Variants in EXOC2 observed in about 807,000 individuals in gnomAD.
EXOC2 encodes SEC5-like 1.
Under a neutral mutation model 131.8 loss-of-function variants are expected in EXOC2, and 70 were observed. The ratio of observed to expected loss-of-function variants is 0.53; its 90% CI spans 0.44 to 0.65. EXOC2 has a LOEUF of 0.65. EXOC2 is among the 30% of genes least tolerant of loss of function. The pLI is 0.00. For missense variants in EXOC2, 923 were observed against 1,108.6 expected (o/e 0.83, Z 2.38); for synonymous variants, 411 against 398.4 (o/e 1.03, Z -0.38).
At chr6:652,145 G>A (rs1375790209) in intron 1 of EXOC2, among the ~76,000 whole-genome samples, 1 of 151,702 alleles carries the variant, frequency 6.6e-6, no homozygotes. Flanking sequence ...CAGAAGATAT[G>A]AAGTAAATAG....
At chr6:537,470 G>A (rs1352309524) in intron 22 of EXOC2, among the ~76,000 whole-genome samples, 5 of 151,714 alleles carry the variant, frequency 3.3e-5, no homozygotes, top group African/African-American at 9.7e-5. Context: ...ATGGCCGACG[G>A]AGCGTACACT....
intron 2 of EXOC2, 22 bp from the exon 3 acceptor site, chr6:633,139 T>G: frequency 6.2e-7 from 1 of 1,606,558 alleles, no homozygotes; most frequent in Non-Finnish European, 8.5e-7. Context: ...CGCATGTGCA[T>G]AACAAAATTC....
intron 27 of EXOC2, among the ~76,000 whole-genome samples, chr6:487,314 G>C (rs1232756809): frequency 5.5e-5 from 5 of 91,042 alleles, no homozygotes; most frequent in Non-Finnish European, 1.2e-4. Context: ...TAACCACCAG[G>C]GCAAGCAGGG....
Position 629,840 on chromosome 6 carries a change from A to C in EXOC2, c.417T>G (p.Ile139Met), listed in dbSNP as rs1271717205. Residue 139 changes from isoleucine to methionine, a missense_variant, in exon 4 of 28, where the codon ATT (isoleucine) becomes ATG (methionine). Ile to Met is a conservative substitution (Grantham distance 10). Coordinates refer to ENST00000230449, the MANE Select transcript of EXOC2 (RefSeq NM_018303.6). ...LRPANPLGIE[I>M]EKSKFSQKDL... ...GAAAGCAAGATGGTACTCACTTTTCAATCTCAATGCCAAGCGGGTTAGCAG... is the reference window on the plus strand; with the variant it reads ...GAAAGCAAGATGGTACTCACTTTTCCATCTCAATGCCAAGCGGGTTAGCAG... The C allele has an allele frequency of 1.2e-6, 2 of 1,613,600 alleles. No individual in the cohort carries two copies. Among genetic ancestry groups the C allele is most frequent in the Admixed American group, 3.3e-5 (2 of 59,940 alleles).
At chr6:570,614 A>G (rs1758226384) in intron 13 of EXOC2, among the ~76,000 whole-genome samples, 1 of 152,234 alleles carries the variant, frequency 6.6e-6, no homozygotes, top group African/African-American at 2.4e-5. Context: ...TTTTACTCCA[A>G]ATAATAACAG....
chr6:544,629 C>T (rs1270564503), intron 22 of EXOC2, among the ~76,000 whole-genome samples: 1 of 152,136 alleles, frequency 6.6e-6, no homozygotes, highest in East Asian at 1.9e-4. Context: ...CAAAACTGTA[C>T]TCACTCACAT....
At chr6:570,050 G>C (rs1758180870) in intron 13 of EXOC2, among the ~76,000 whole-genome samples, 1 of 152,140 alleles carries the variant, frequency 6.6e-6, no homozygotes, top group Non-Finnish European at 1.5e-5. Context: ...GCCACTTGTA[G>C]GAACTGATGC....
Position 555,246 on chromosome 6 carries a change from C to A in EXOC2, c.2035G>T (p.Ala679Ser). ...CLEQLSTKPDADIDTTHLSVD... is the reference protein window; with the variant it reads ...CLEQLSTKPDSDIDTTHLSVD... ...ACTTACTGTGTAGTATCTATATCTGCATCAGGCTTGGTGCTCAACTGTTCC... is the reference window on the plus strand; with the variant it reads ...ACTTACTGTGTAGTATCTATATCTGAATCAGGCTTGGTGCTCAACTGTTCC... The change falls in exon 20 of 28, where the codon GCA becomes TCA. Residue 679 changes from alanine to serine, a missense_variant. Ala to Ser is a moderately conservative substitution (Grantham distance 99). Coordinates refer to ENST00000230449, the MANE Select transcript of EXOC2 (RefSeq NM_018303.6). 6.6e-7 allele frequency: 1 copy of A among 1,521,842 alleles called. No individual in the cohort carries two copies. Among genetic ancestry groups the A allele is most frequent in the Non-Finnish European group, 8.9e-7 (1 of 1,120,608 alleles). The allele number at this position is 1,521,842 out of a possible 1,614,324, so 94.3% of individuals were successfully genotyped here. A position where few individuals can be genotyped will look rare whatever the true frequency, so the allele number is the denominator to read the frequency against.
At chr6:584,838 A>C (rs553379668) in intron 11 of EXOC2, among the ~76,000 whole-genome samples, 3 of 152,262 alleles carry the variant, frequency 2.0e-5, no homozygotes, top group Non-Finnish European at 2.9e-5. Flanking sequence ...CACTTTCTCT[A>C]TGAGTAGCCT....
intron 23 of EXOC2, among the ~76,000 whole-genome samples, chr6:523,739 A>G (rs1765603910): frequency 6.6e-6 from 1 of 152,230 alleles, no homozygotes; most frequent in Non-Finnish European, 1.5e-5. Context: ...GCTGGAGTGC[A>G]GTGGTGCAAT....
At chr6:588,950 C>A (rs17135181) in intron 11 of EXOC2, among the ~76,000 whole-genome samples, 3,125 of 152,156 alleles carry the variant, frequency 0.021, 126 homozygotes, top group African/African-American at 0.072. Context: ...TACTGGTTAT[C>A]AGATATTTGA....
intron 1 of EXOC2, among the ~76,000 whole-genome samples, chr6:682,459 C>A (rs1470197822): frequency 1.3e-5 from 2 of 152,128 alleles, no homozygotes; most frequent in African/African-American, 4.8e-5. Context: ...CTTGGCCTCT[C>A]AAAGTGCTGG....
intron 7 of EXOC2, 51 bp from the exon 8 acceptor site, chr6:599,276 A>G: frequency 2.0e-6 from 3 of 1,496,400 alleles, no homozygotes; most frequent in Non-Finnish European, 2.7e-6. Context: ...TTTTAATCAG[A>G]AAATGTGTAA....
At chr6:684,199 C>T (rs1481140814) in intron 1 of EXOC2, among the ~76,000 whole-genome samples, 3 of 151,608 alleles carry the variant, frequency 2.0e-5, no homozygotes, top group South Asian at 2.1e-4. Flanking sequence ...GAGACAGGAC[C>T]GCAGGAAGAG....
rs377509269 is a variant in EXOC2, at chr6:512,704, C to T, written c.2381-13004G>A. On this transcript the variant is annotated intron_variant, in intron 23 of 27. Transcript: ENST00000230449. ...CCCGTGGTCTGACCCATGCCCTGTA[C>T]ATGTTTCTTGGTAAGAGTGATAAAG... 3.3e-5 allele frequency among the ~76,000 whole-genome samples: 5 copies of T among 152,154 alleles called. 1 individual carries two copies. Among genetic ancestry groups the T allele is most frequent in the Admixed American group, 2.0e-4 (3 of 15,282 alleles).
At chr6:487,472 T>TA (rs1266672809) in intron 27 of EXOC2, among the ~76,000 whole-genome samples, 2 of 152,150 alleles carry the variant, frequency 1.3e-5, no homozygotes, top group Non-Finnish European at 2.9e-5. Flanking sequence ...AGTGGCGCGA[T>TA]TTCGGCTCAC....
chr6:535,315 T>C (rs1233709596), intron 22 of EXOC2, among the ~76,000 whole-genome samples: 2 of 152,104 alleles, frequency 1.3e-5, no homozygotes, highest in Non-Finnish European at 2.9e-5. Context: ...CAGCGTGGTA[T>C]GATTCAACTA....
At chr6:549,409 G>C in intron 21 of EXOC2, 118 bp from the exon 22 acceptor site, 2 of 669,642 alleles carry the variant, frequency 3.0e-6, no homozygotes, top group Non-Finnish European at 5.1e-6. Flanking sequence ...CCAATGCTTT[G>C]CTTTTCTTGG....
intron 1 of EXOC2, among the ~76,000 whole-genome samples, chr6:638,265 CACTT>C (rs1762195459): frequency 6.6e-6 from 1 of 152,192 alleles, no homozygotes; most frequent in Non-Finnish European, 1.5e-5. Context: ...AATAAAAACA[CACTT>C]ACATTCCCAC....
Sources: allele counts gnomAD v4.1 joint callset (sites outside exome capture counted in the v4.1 genomes callset), GRCh38; gene constraint gnomAD v4.1.1; transcripts MANE v1.5; gene names NCBI Gene and HGNC (gene_info 2026-07-23, HGNC 2026-07-21).